NUP214: variants seen among roughly 807,000 people sequenced by gnomAD.
NUP214 encodes the protein nuclear pore complex protein Nup214.
Under a neutral mutation model 196.2 loss-of-function variants are expected in NUP214, and 79 were observed. The ratio of observed to expected loss-of-function variants is 0.40; its 90% CI spans 0.34 to 0.49. The LOEUF (loss-of-function observed/expected upper bound fraction) is 0.49, where lower values mean the gene tolerates loss of function less well. Among genes scored for constraint, NUP214 ranks in the 20% least tolerant of loss-of-function variants. NUP214 has a pLI of 0.58. For missense variants in NUP214, 2,468 were observed against 2,539.0 expected (o/e 0.97, Z 0.60); for synonymous variants, 1,020 against 990.5 (o/e 1.03, Z -0.56).
At chr9:131,224,448 ACT>A (rs1454891691) in intron 32 of NUP214, among the ~76,000 whole-genome samples, 1 of 152,056 alleles carries the variant, frequency 6.6e-6, no homozygotes, top group Non-Finnish European at 1.5e-5. Context: ...TTTAAAGCAA[ACT>A]CCCCCTGGGT....
intron 21 of NUP214, among the ~76,000 whole-genome samples, chr9:131,168,278 TC>T (rs1427160142): frequency 2.0e-5 from 3 of 152,224 alleles, no homozygotes; most frequent in Non-Finnish European, 4.4e-5. Context: ...GTTTAAGAAA[TC>T]CTCTATCTCT....
At chr9:131,230,473 G>A in intron 33 of NUP214, 157 bp from the exon 34 acceptor site, 2 of 800,370 alleles carry the variant, frequency 2.5e-6, no homozygotes, top group Non-Finnish European at 4.0e-6. Context: ...CTGGGCGATA[G>A]CTCATTCTCT....
At chr9:131,219,249 T>G (rs1166249400) in intron 31 of NUP214, among the ~76,000 whole-genome samples, 1 of 152,234 alleles carries the variant, frequency 6.6e-6, no homozygotes, top group Admixed American at 6.5e-5. Context: ...GTTGCACAGC[T>G]ACTAAGTGGC....
chr9:131,197,230 A>T lies in NUP214; in HGVS notation c.3736A>T (p.Thr1246Ser), dbSNP rs1411315764. Residue 1246 changes from threonine (T) to serine (S), a missense_variant, in exon 29 of 36, where the codon ACT (threonine) becomes TCT (serine). Thr to Ser is a moderately conservative substitution (Grantham distance 58, BLOSUM62 1). Coordinates refer to ENST00000359428, the MANE Select transcript of NUP214 (RefSeq NM_005085.4). ...FTAAQGATPS[T>S]KESSQPDAFS... ...TTTCTTGCTAGGGGCAACACCCTCC[A>T]CTAAAGAGTCAAGCCAGCCGGACGC... is the stretch of plus-strand genomic sequence containing the variant. The T allele has an allele frequency of 6.2e-7, 1 of 1,614,036 alleles. No homozygotes were observed. The highest frequency in any genetic ancestry group is 8.5e-7 in the Non-Finnish European group (1 of 1,179,994).
At chr9:131,170,727 A>G (rs1564193913) in intron 21 of NUP214, among the ~76,000 whole-genome samples, 2 of 152,068 alleles carry the variant, frequency 1.3e-5, no homozygotes, top group African/African-American at 4.8e-5. Context: ...CCTTGTAACT[A>G]TGGAAACAAT....
rs1160431054 is a variant in NUP214, at chr9:131,146,583, G to A, written c.1945+279G>A. ...TCTTGGGCATTTATTTTCATATGGA[G>A]CCTGCCCTCCATGAAGAGCAGTTAC... is the stretch of plus-strand genomic sequence containing the variant. On this transcript the variant is annotated intron_variant, in intron 13 of 35. Transcript: ENST00000359428. This position sits in a 1 kb window ranked among gnomAD's most constrained non-coding sequence, Gnocchi z 4.6. 1.3e-5 allele frequency among the ~76,000 whole-genome samples: 2 copies of A among 152,156 alleles called. No homozygotes were observed. Among genetic ancestry groups the A allele is most frequent in the Admixed American group, 1.3e-4 (2 of 15,274 alleles).
Position 131,198,623 on chromosome 9 carries a change from G to A in NUP214, c.5129G>A (p.Ser1710Asn). The part of the protein sequence containing the change: ...TPQVSSSGFS[S>N]PAFGTTAPGV... ...CAGGTCAGCAGCTCAGGGTTTAGCA[G>A]CCCAGCTTTTGGTACCACAGCCCCA... Residue 1710 changes from serine to asparagine, a missense_variant, in exon 29 of 36, where the codon AGC becomes AAC. Coordinates refer to ENST00000359428, the MANE Select transcript of NUP214 (RefSeq NM_005085.4). 6.2e-6 allele frequency: 10 copies of A among 1,614,258 alleles called. No individual in the cohort carries two copies. Among genetic ancestry groups the A allele is most frequent in the Non-Finnish European group, 8.5e-6 (10 of 1,180,042 alleles).
At chr9:131,230,504 C>T in intron 33 of NUP214, 126 bp from the exon 34 acceptor site, 2 of 1,147,778 alleles carry the variant, frequency 1.7e-6, no homozygotes, top group Non-Finnish European at 2.5e-6. Context: ...GCTAGTTAGG[C>T]CCAGCCTGTC....
intron 18 of NUP214, among the ~76,000 whole-genome samples, chr9:131,160,562 G>A (rs1374051837): frequency 6.6e-6 from 1 of 152,166 alleles, no homozygotes; most frequent in East Asian, 1.9e-4. Context: ...AAATGAATCA[G>A]CCATGAAATG....
chr9:131,159,627 G>A (rs1326981197), intron 18 of NUP214, 141 bp downstream of exon 18: 2 of 697,110 alleles, frequency 2.9e-6, no homozygotes, highest in Non-Finnish European at 4.9e-6. Flanking sequence ...GCAGGCCGAG[G>A]CGAGTGGATC....
In NUP214 at chr9:131,201,683, A is replaced by C; in HGVS notation, c.5558A>C (p.Gln1853Pro). 1 of 1,614,164 alleles carries C rather than the reference A, an allele frequency of 6.2e-7. No individual in the cohort carries two copies. Among genetic ancestry groups the C allele is most frequent in the Non-Finnish European group, 8.5e-7 (1 of 1,179,994 alleles). The change falls in exon 30 of 36, where the codon CAA becomes CCA. Residue 1853 changes from glutamine to proline, a missense_variant. Physicochemically the swap from Gln to Pro is moderately conservative, Grantham distance 76. Around this residue, in one of 5 missense-constraint regions of NUP214, gnomAD observed 262 missense variants for 296.5 expected, o/e 0.88. Transcript: ENST00000359428. ...AGTAATACTGGTTCTGTGTTTGGTC[A>C]AGCAGCCAGTACTGGTGGAATAGTC... ...GSSNTGSVFG[Q>P]AASTGGIVFG...
rs772134848 is a variant in NUP214, at chr9:131,187,371, T to C, written c.3495+7T>C. Reference sequence around the variant, plus strand: ...TGCTAACCAAGCCAAGCAGGTAACTTACTGATTTTTACTTTTTTTTTTTTT... The same window carrying C: ...TGCTAACCAAGCCAAGCAGGTAACTCACTGATTTTTACTTTTTTTTTTTTT... On this transcript the variant is annotated splice_region_variant and intron_variant, in intron 25 of 35. Transcript: ENST00000359428. 2.9e-5 allele frequency: 46 copies of C among 1,567,232 alleles called. No individual in the cohort carries two copies. Among genetic ancestry groups the C allele is most frequent in the Non-Finnish European group, 3.8e-5 (44 of 1,148,620 alleles).
chr9:131,232,743 T>G lies in NUP214; in HGVS notation c.6239+435T>G. On this transcript the variant is annotated intron_variant, in intron 35 of 35. Transcript: ENST00000359428. This position sits in a 1 kb window ranked among gnomAD's most constrained non-coding sequence, Gnocchi z 5.1. ...AATTCAGTCTTAGCCAGGTGGGTGGTTCACGCCTATAATCCCAGCACTTTG... is the reference window on the plus strand; with the variant it reads ...AATTCAGTCTTAGCCAGGTGGGTGGGTCACGCCTATAATCCCAGCACTTTG... 1 of 235,174 alleles carries G rather than the reference T, an allele frequency of 4.3e-6. No homozygotes were observed. Among genetic ancestry groups the G allele is most frequent in the Non-Finnish European group, 8.5e-6 (1 of 117,754 alleles). 14.6% of individuals were successfully genotyped at this position (235,174 alleles called of 1,614,324 possible). A position where few individuals can be genotyped will look rare whatever the true frequency, so the allele number is the denominator to read the frequency against.
intron 9 of NUP214, among the ~76,000 whole-genome samples, 162 bp from the exon 10 acceptor site, chr9:131,139,119 C>G (rs193022658): frequency 1.3e-5 from 2 of 152,276 alleles, no homozygotes; most frequent in East Asian, 1.9e-4. Flanking sequence ...GCCATCTTCT[C>G]AGATTTCAGA....
At chr9:131,174,351 C>T in intron 22 of NUP214, 33 bp downstream of exon 22, 1 of 1,593,442 alleles carries the variant, frequency 6.3e-7, no homozygotes, top group Non-Finnish European at 8.5e-7. Flanking sequence ...AACTGTTTTT[C>T]CCTATGATGT....
rs370137570 is a variant in NUP214 at position 131,162,249 on chromosome 9, G to A, written c.2541-742G>A. 2.2e-4 allele frequency among the ~76,000 whole-genome samples: 33 copies of A among 152,292 alleles called. No individual in the cohort carries two copies. The East Asian group carries it at 5.4e-3, about 25-fold the overall frequency. On this transcript the variant is annotated intron_variant, in intron 18 of 35. Coordinates refer to ENST00000359428, the MANE Select transcript of NUP214 (RefSeq NM_005085.4). ...GCAGTCCATCATTGACCAAAATGTC[G>A]TTATGTGGCACATGACTGTATTGAC... is the stretch of plus-strand genomic sequence containing the variant.
intron 17 of NUP214, among the ~76,000 whole-genome samples, chr9:131,154,593 C>T (rs1034165514): frequency 4.6e-5 from 7 of 152,316 alleles, no homozygotes; most frequent in East Asian, 1.9e-4. Flanking sequence ...GTGATCTGCC[C>T]GTCTTGGTCT....
chr9:131,130,745 G>A (rs770931078), intron 4 of NUP214, 21 bp from the exon 5 acceptor site: 5 of 1,611,120 alleles, frequency 3.1e-6, no homozygotes, highest in Non-Finnish European at 4.2e-6. Context: ...GTTTTCATTT[G>A]GTAATACTGT....
At chr9:131,184,958 C>G (rs1833411536) in intron 24 of NUP214, among the ~76,000 whole-genome samples, 1 of 152,182 alleles carries the variant, frequency 6.6e-6, no homozygotes, top group Non-Finnish European at 1.5e-5. Flanking sequence ...AAGTTCCACT[C>G]TCTCATATAT....
Sources: allele counts gnomAD v4.1 joint callset (sites outside exome capture counted in the v4.1 genomes callset), GRCh38; gene constraint gnomAD v4.1.1; regional missense constraint gnomAD v4.1.1; non-coding constraint Gnocchi (gnomAD v3.1); transcripts MANE v1.5; gene names NCBI Gene and HGNC (gene_info 2026-07-23, HGNC 2026-07-21).